Variants in ZDHHC21 observed in about 807,000 individuals in gnomAD.
The protein encoded by ZDHHC21 is palmitoyltransferase ZDHHC21.
In ZDHHC21, 15 loss-of-function variants were observed where a neutral mutation model predicts 34.6. That is an observed-to-expected ratio of 0.43 (90% confidence interval 0.29 to 0.67). The LOEUF is 0.67. Ranked by LOEUF, ZDHHC21 falls within the 30% of genes least tolerant of loss-of-function variation. The probability of loss-of-function intolerance (pLI) is 0.14; values close to 1 mark genes in which losing one functional copy is unlikely to be tolerated. For missense variants in ZDHHC21, 344 were observed against 327.7 expected, an observed-to-expected ratio of 1.05 and a Z score of -0.38; for synonymous variants, 142 against 101.8, an observed-to-expected ratio of 1.40 and a Z score of -2.38.
intron 5 of ZDHHC21, among the ~76,000 whole-genome samples, chr9:14,663,431 T>G (rs1426170483): frequency 6.6e-6 from 1 of 151,336 alleles, no homozygotes; most frequent in East Asian, 1.9e-4. Flanking sequence ...TGAAAGATTC[T>G]AAATAAAAGT....
intron 1 of ZDHHC21, 139 bp from the exon 2 acceptor site, chr9:14,690,524 G>A (rs966393971): frequency 2.3e-4 from 86 of 369,094 alleles, no homozygotes; most frequent in Middle Eastern, 1.9e-3. Flanking sequence ...TGTAGAAGGG[G>A]CAACACATCG....
At chr9:14,657,974 C>G (rs1307511438) in intron 7 of ZDHHC21, among the ~76,000 whole-genome samples, 2 of 152,082 alleles carry the variant, frequency 1.3e-5, no homozygotes, top group Non-Finnish European at 2.9e-5. Context: ...ATTTCTAAAA[C>G]TATAGTCCTA....
rs1196558573 is a variant in ZDHHC21, at chr9:14,613,870, T to G, written c.*5096A>C. ...CAACCTATTCATTTCTCCTCTGCAT[T>G]AAATAGCTGAGTTTTCCACATTATT... On this transcript the variant is annotated 3_prime_UTR_variant, in exon 10 of 10. Transcript: ENST00000380916. The G allele has an allele frequency of 1.3e-5, 2 of 151,778 alleles. No homozygotes were observed. Among genetic ancestry groups the G allele is most frequent in the Admixed American group, 6.6e-5 (1 of 15,188 alleles). 9.4% of individuals were successfully genotyped at this position (151,778 alleles called of 1,614,324 possible).
the ZDHHC21 span, among the ~76,000 whole-genome samples, chr9:14,592,859 A>C: frequency 6.6e-6 from 1 of 152,186 alleles, no homozygotes; most frequent in Non-Finnish European, 1.5e-5. Flanking sequence ...TCAACAGCAG[A>C]AACAAATTTG....
Position 14,682,898 on chromosome 9 carries a change from C to A in ZDHHC21, c.-175-2736G>T, listed in dbSNP as rs140624653. On this transcript the variant is annotated intron_variant, in intron 2 of 9. Transcript: ENST00000380916. ...ATTAAGAAACTCACTCAAAACCGAACAACTACATGGAAACTGAACAACCTG... is the reference window on the plus strand; with the variant it reads ...ATTAAGAAACTCACTCAAAACCGAAAAACTACATGGAAACTGAACAACCTG... Among the ~76,000 whole-genome samples the A allele has an allele frequency of 5.6e-3, 857 of 152,302 alleles. 12 individuals are homozygous for A. Among genetic ancestry groups the A allele is most frequent in the African/African-American group, 0.019 (795 of 41,576 alleles).
rs552868001 is a variant in ZDHHC21 at position 14,611,483 on chromosome 9, T to G, written c.*7483A>C. ...AAGACAAGGTAAAAATAATAGACAATGCAAGGAAAACAGCACTCAGATCTA... is the reference window on the plus strand; with the variant it reads ...AAGACAAGGTAAAAATAATAGACAAGGCAAGGAAAACAGCACTCAGATCTA... On this transcript the variant is annotated 3_prime_UTR_variant, in exon 10 of 10. Transcript: ENST00000380916. 1.3e-5 allele frequency: 2 copies of G among 151,950 alleles called. No homozygotes were observed. Among genetic ancestry groups the G allele is most frequent in the Non-Finnish European group, 2.9e-5 (2 of 67,954 alleles). 9.4% of individuals were successfully genotyped at this position (151,950 alleles called of 1,614,324 possible). A position where few individuals can be genotyped will look rare whatever the true frequency, so the allele number is the denominator to read the frequency against.
chr9:14,619,662 C>G lies in ZDHHC21; in HGVS notation c.642G>C (p.Lys214Asn). 7.1e-6 allele frequency: 10 copies of G among 1,405,910 alleles called. No individual in the cohort carries two copies. Among genetic ancestry groups the G allele is most frequent in the Non-Finnish European group, 9.8e-6 (10 of 1,021,748 alleles). 87.1% of individuals were successfully genotyped at this position (1,405,910 alleles called of 1,614,324 possible). A position where few individuals can be genotyped will look rare whatever the true frequency, so the allele number is the denominator to read the frequency against. Reference sequence around the variant, plus strand: ...ACATATCTTCACAACAGTTTGACATCTTTTCAATAGATGTTGTATCCTATT... The same window carrying G: ...ACATATCTTCACAACAGTTTGACATGTTTTCAATAGATGTTGTATCCTATT... ...GIITDTTSIE[K>N]MSNCCEDISR... Residue 214 changes from lysine (K) to asparagine (N), a missense_variant, in exon 9 of 10, where the codon AAG becomes AAC. Lys to Asn is a moderately conservative substitution (Grantham distance 94). Transcript: ENST00000380916.
intron 7 of ZDHHC21, among the ~76,000 whole-genome samples, chr9:14,652,455 C>T (rs1243832069): frequency 6.6e-6 from 1 of 151,904 alleles, no homozygotes; most frequent in Non-Finnish European, 1.5e-5. Context: ...CAAAACTTCA[C>T]ATGGTAAAAA....
At chr9:14,669,469 G>A (rs1167428548) in intron 5 of ZDHHC21, among the ~76,000 whole-genome samples, 12 of 150,178 alleles carry the variant, frequency 8.0e-5, no homozygotes, top group Non-Finnish European at 1.5e-4. Context: ...TCTAGAACTA[G>A]AAATACCATT....
chr9:14,634,659 C>T, intron 8 of ZDHHC21, among the ~76,000 whole-genome samples: 1 of 152,076 alleles, frequency 6.6e-6, no homozygotes, highest in East Asian at 1.9e-4. Flanking sequence ...ACCAAAGGGC[C>T]CCAACCAGCC....
chr9:14,630,994 G>A (rs182587850), intron 8 of ZDHHC21, among the ~76,000 whole-genome samples: 39 of 152,282 alleles, frequency 2.6e-4, no homozygotes, highest in African/African-American at 7.7e-4. Context: ...AATGAGCACT[G>A]GCTTCAACTT....
At chr9:14,608,874 A>G (rs911309619), downstream of ZDHHC21, among the ~76,000 whole-genome samples, 3 of 152,148 alleles carry the variant, frequency 2.0e-5, no homozygotes, top group African/African-American at 7.2e-5. Flanking sequence ...CACTCTTATA[A>G]TACAATCACG....
chr9:14,672,826 A>AT lies in ZDHHC21; in HGVS notation c.253+3dup. 6.3e-7 allele frequency: 1 copy of AT among 1,599,876 alleles called. No homozygotes were observed. The highest frequency in any genetic ancestry group is 8.5e-7 in the Non-Finnish European group (1 of 1,170,340). On this transcript the variant is annotated splice_donor_region_variant and intron_variant, in intron 5 of 9. Transcript: ENST00000380916. ...GCAAAACTGATAAATCCAGAGTACCATACCTCCATGTGGGATCTTGGGGTT... is the reference window on the plus strand; with the variant it reads ...GCAAAACTGATAAATCCAGAGTACCATTACCTCCATGTGGGATCTTGGGGTT...
At chr9:14,607,901 A>G (rs909244473), downstream of ZDHHC21, among the ~76,000 whole-genome samples, 1 of 152,202 alleles carries the variant, frequency 6.6e-6, no homozygotes, top group African/African-American at 2.4e-5. Context: ...AAAAATGTAC[A>G]TGAAAAATCA....
chr9:14,654,206 G>C (rs1005159220), intron 7 of ZDHHC21, among the ~76,000 whole-genome samples: 2 of 151,988 alleles, frequency 1.3e-5, no homozygotes, highest in African/African-American at 4.8e-5. Flanking sequence ...TGGAATAAAG[G>C]CAAATTGAAA....
At chr9:14,682,973 T>C (rs1327154530) in intron 2 of ZDHHC21, among the ~76,000 whole-genome samples, 3 of 152,204 alleles carry the variant, frequency 2.0e-5, no homozygotes, top group Non-Finnish European at 2.9e-5. Context: ...GAAATAAAGA[T>C]GTTATTTGAA....
At chr9:14,631,898 A>G (rs1827411445) in intron 8 of ZDHHC21, among the ~76,000 whole-genome samples, 1 of 152,184 alleles carries the variant, frequency 6.6e-6, no homozygotes, top group Non-Finnish European at 1.5e-5. Flanking sequence ...CCAATCATAG[A>G]TCATAGTAAC....
At chr9:14,649,515 A>G (rs1490058441) in intron 7 of ZDHHC21, among the ~76,000 whole-genome samples, 1 of 152,072 alleles carries the variant, frequency 6.6e-6, no homozygotes, top group East Asian at 1.9e-4. Context: ...AAACATAAGA[A>G]AAGAAGTTAC....
chr9:14,683,858 C>G (rs1249367624), intron 2 of ZDHHC21: 1 of 152,170 alleles, frequency 6.6e-6, no homozygotes, highest in East Asian at 1.9e-4. Flanking sequence ...CCACCATGAT[C>G]AAGTGGGCTT....
Sources: gnomAD v4.1 joint callset for allele counts (sites outside exome capture counted in the v4.1 genomes callset) on GRCh38, gnomAD v4.1.1 for gene constraint, MANE v1.5 for transcripts, NCBI Gene and HGNC (gene_info 2026-07-23, HGNC 2026-07-21) for gene names.